FAM81B: variants seen among roughly 807,000 people sequenced by gnomAD.
FAM81B encodes protein FAM81B.
FAM81B carries 60 observed loss-of-function variants against 58.7 expected under a neutral mutation model. That is an observed-to-expected ratio of 1.02 (90% CI 0.83 to 1.27). The LOEUF (loss-of-function observed/expected upper bound fraction) is 1.27. FAM81B is among the 50% of genes most tolerant of loss of function. The pLI is 0.00. For synonymous variants in FAM81B, 189 were observed against 179.6 expected (o/e 1.05, Z -0.42); for missense variants, 491 against 522.0 (o/e 0.94, Z 0.58).
intron 3 of FAM81B, among the ~76,000 whole-genome samples, chr5:95,407,052 C>T (rs1336841218): frequency 6.6e-6 from 1 of 152,080 alleles, no homozygotes; most frequent in Non-Finnish European, 1.5e-5. Flanking sequence ...AACAGGACCC[C>T]TGGGCATGGG....
intron 7 of FAM81B, among the ~76,000 whole-genome samples, chr5:95,439,644 G>T: frequency 6.7e-6 from 1 of 150,368 alleles, no homozygotes. Flanking sequence ...GTTTCAATCT[G>T]GTATATTGGA....
chr5:95,420,520 A>G, intron 5 of FAM81B, 118 bp downstream of exon 5: 2 of 1,351,184 alleles, frequency 1.5e-6, no homozygotes, highest in Non-Finnish European at 2.0e-6. Flanking sequence ...AGCTAAACTA[A>G]TGAGATGGCA....
chr5:95,432,046 G>A (rs1744919331), intron 6 of FAM81B, among the ~76,000 whole-genome samples: 1 of 151,956 alleles, frequency 6.6e-6, no homozygotes, highest in South Asian at 2.1e-4. Flanking sequence ...TTTCCCTTAT[G>A]ATGGGGAAAG....
At chr5:95,394,339 T>C (rs373505684) in intron 2 of FAM81B, among the ~76,000 whole-genome samples, 3 of 152,318 alleles carry the variant, frequency 2.0e-5, no homozygotes, top group Admixed American at 1.3e-4. Context: ...GTATTCATCA[T>C]ACACTTTAAT....
At chr5:95,445,005 C>A in intron 7 of FAM81B, among the ~76,000 whole-genome samples, 1 of 152,094 alleles carries the variant, frequency 6.6e-6, no homozygotes, top group Admixed American at 6.5e-5. Context: ...AAACGTCCCC[C>A]AGGGGCAAGC....
chr5:95,412,237 T>G (rs1762425078), intron 3 of FAM81B, among the ~76,000 whole-genome samples: 1 of 152,186 alleles, frequency 6.6e-6, no homozygotes, highest in Admixed American at 6.5e-5. Flanking sequence ...TCTTCTATGA[T>G]TCGACATACA....
rs778066057 is a variant in FAM81B at position 95,413,960 on chromosome 5, C to A, written c.307C>A (p.Leu103Ile). 1 of 1,612,880 alleles carries A rather than the reference C, an allele frequency of 6.2e-7. No homozygotes were observed. The highest frequency in any genetic ancestry group is 8.5e-7 in the Non-Finnish European group (1 of 1,179,574). The part of the protein sequence containing the change: ...VEYVDKSHAF[L>I]PIIPNTQRGQ... ...TTTTCTGATCAGGAGTCATGCTTTT[C>A]TCCCCATCATTCCAAACACCCAGAG... The change falls in exon 4 of 10, where the codon CTC becomes ATC. Residue 103 changes from leucine (L) to isoleucine (I), a missense_variant. By Grantham distance (5) the Leu-to-Ile change is conservative (BLOSUM62 2). Transcript: ENST00000283357.
chr5:95,428,827 A>G (rs987732667), intron 6 of FAM81B, 95 bp downstream of exon 6: 26 of 1,533,980 alleles, frequency 1.7e-5, no homozygotes. Flanking sequence ...GTAATTTTTT[A>G]AGAGAACTCT....
chr5:95,427,435 A>AC (rs1350482800), intron 5 of FAM81B, among the ~76,000 whole-genome samples: 1 of 151,994 alleles, frequency 6.6e-6, no homozygotes, highest in Non-Finnish European at 1.5e-5. Flanking sequence ...CAGCTTCTTC[A>AC]CCCCCACTAC....
chr5:95,409,189 C>T (rs369562157), intron 3 of FAM81B, among the ~76,000 whole-genome samples: 6 of 152,144 alleles, frequency 3.9e-5, no homozygotes, highest in African/African-American at 1.2e-4. Flanking sequence ...GATGGAGTCT[C>T]GCTCTGTCGC....
chr5:95,438,108 G>A (rs953210039), intron 7 of FAM81B, among the ~76,000 whole-genome samples: 3 of 152,144 alleles, frequency 2.0e-5, no homozygotes, highest in African/African-American at 7.2e-5. Context: ...ATGCTAAAAT[G>A]CGAAATATGT....
rs1745367224 is a variant in FAM81B at position 95,441,816 on chromosome 5, A to C, written c.894-4746A>C. On this transcript the variant is annotated intron_variant, in intron 7 of 9. Coordinates refer to ENST00000283357, the MANE Select transcript of FAM81B (RefSeq NM_152548.3). The stretch of plus-strand genomic sequence containing the variant: ...ACTGTGCCTCCTCCTCAGAAGGATC[A>C]TCCTCTGAGCTTCTGCTAAGTAATG... 2.0e-5 allele frequency among the ~76,000 whole-genome samples: 3 copies of C among 152,144 alleles called. No individual in the cohort carries two copies. In the South Asian group the frequency reaches 6.2e-4, roughly 32 times the overall value.
chr5:95,446,533 T>C, intron 7 of FAM81B, 29 bp from the exon 8 acceptor site: 2 of 1,527,488 alleles, frequency 1.3e-6, no homozygotes, highest in Non-Finnish European at 1.8e-6. Context: ...TTAACTTATT[T>C]AAATGAAACA....
intron 7 of FAM81B, among the ~76,000 whole-genome samples, chr5:95,441,459 C>T (rs1745343835): frequency 6.6e-6 from 1 of 151,902 alleles, no homozygotes. Context: ...GTCCCAGCTA[C>T]TCGGGAGGCT....
chr5:95,448,402 T>C lies in FAM81B; in HGVS notation c.1163T>C (p.Met388Thr), dbSNP rs1017163410. The C allele has an allele frequency of 1.2e-6, 2 of 1,612,520 alleles. No individual in the cohort carries two copies. Among genetic ancestry groups the C allele is most frequent in the Non-Finnish European group, 1.7e-6 (2 of 1,179,580 alleles). Reference sequence around the variant, plus strand: ...ATGGAAAATAAATTGTCCAAAAAGATGGAACAAATGGAAAAGCAGATCTGG... The same window carrying C: ...ATGGAAAATAAATTGTCCAAAAAGACGGAACAAATGGAAAAGCAGATCTGG... ...KHMENKLSKK[M>T]EQMEKQIWGE... Residue 388 changes from methionine (M) to threonine (T), a missense_variant, in exon 9 of 10, where the codon ATG (methionine) becomes ACG (threonine). Transcript: ENST00000283357.
intron 6 of FAM81B, among the ~76,000 whole-genome samples, chr5:95,429,038 A>T (rs1744750705): frequency 6.6e-6 from 1 of 152,190 alleles, no homozygotes; most frequent in African/African-American, 2.4e-5. Flanking sequence ...GGACTATGGA[A>T]CCAAGGAATA....
chr5:95,447,003 G>A (rs922827267), intron 8 of FAM81B, among the ~76,000 whole-genome samples: 7 of 151,386 alleles, frequency 4.6e-5, no homozygotes, highest in Non-Finnish European at 1.0e-4. Flanking sequence ...TGACTCTCTT[G>A]GGGCCTCCCC....
intron 1 of FAM81B, among the ~76,000 whole-genome samples, chr5:95,391,776 A>G (rs140127335): frequency 9.3e-4 from 141 of 152,380 alleles, no homozygotes; most frequent in African/African-American, 3.2e-3. Flanking sequence ...TTGTCATTAC[A>G]GAAATGCAAA....
At chr5:95,402,719 C>T (rs1762145416) in intron 3 of FAM81B, among the ~76,000 whole-genome samples, 1 of 152,202 alleles carries the variant, frequency 6.6e-6, no homozygotes, top group Non-Finnish European at 1.5e-5. Context: ...ATTGCTCTCT[C>T]TGGATATAAT....
Sources: gnomAD v4.1 joint callset for allele counts (sites outside exome capture counted in the v4.1 genomes callset) on GRCh38, gnomAD v4.1.1 for gene constraint, MANE v1.5 for transcripts, NCBI Gene and HGNC (gene_info 2026-07-23, HGNC 2026-07-21) for gene names.